Variants in TRO observed in about 807,000 individuals in gnomAD.
TRO encodes trophinin, also known as MAGE superfamily protein.
In TRO, 29 loss-of-function variants were observed where a neutral mutation model predicts 42.3. That is an observed-to-expected ratio of 0.68 (90% CI 0.51 to 0.93). TRO has a LOEUF of 0.93. Ranked by LOEUF, TRO falls within the 40% of genes least tolerant of loss-of-function variation. The pLI is 0.00. For synonymous variants in TRO, 384 were observed against 425.2 expected, an observed-to-expected ratio of 0.90 and a Z score of 1.19; for missense variants, 963 against 1,127.7, an observed-to-expected ratio of 0.85 and a Z score of 2.09.
At position 54,922,963 on chromosome X, in the gene TRO, G is replaced by C; in HGVS notation, c.431G>C (p.Arg144Thr). ...AQPKKANKMK[R>T]VTAKAAQGSQ... Reference sequence around the variant, plus strand: ...CCTAAGAAAGCCAACAAGATGAAGAGAGTTACTGCCAAGGCAGCCCAAGGC... The same window carrying C: ...CCTAAGAAAGCCAACAAGATGAAGACAGTTACTGCCAAGGCAGCCCAAGGC... Residue 144 changes from arginine (R) to threonine (T), a missense_variant, in exon 3 of 13, where the codon AGA becomes ACA. Around this residue, in one of 2 missense-constraint regions of TRO, gnomAD observed 322 missense variants for 316.5 expected, o/e 1.02. Transcript: ENST00000173898. The C allele has an allele frequency of 9.9e-6, 12 of 1,212,087 alleles. No individual in the cohort carries two copies. The highest frequency in any genetic ancestry group is 1.3e-5 in the Non-Finnish European group (12 of 895,639).
At chrX:54,926,541 T>C in intron 8 of TRO, 42 bp from the exon 9 acceptor site, 1 of 1,205,786 alleles carries the variant, frequency 8.3e-7, no homozygotes, top group Non-Finnish European at 1.1e-6. Flanking sequence ...GGATTCCATG[T>C]GTTCAATTTC....
rs1371372516 is a variant in TRO, at chrX:54,927,122, G to T, written c.1763+17G>T. ...GAAGCAGAAGTAAGTGGTGTTTGGG[G>T]CTTTGTCTGGCCCTGAAGTGTTCTG... On this transcript the variant is annotated intron_variant, in intron 10 of 12. Transcript: ENST00000173898. 3 of 1,208,022 alleles carry T rather than the reference G, an allele frequency of 2.5e-6. No homozygotes were observed. In the African/African-American group the frequency reaches 5.3e-5, roughly 21 times the overall value.
intron 7 of TRO, among the ~76,000 whole-genome samples, chrX:54,925,901 C>G (rs1025158187): frequency 2.7e-5 from 3 of 112,135 alleles, no homozygotes; most frequent in African/African-American, 9.7e-5. Context: ...TGGGACATTC[C>G]TGCTGTCAGG....
At position 54,929,297 on chromosome X, in the gene TRO, G is replaced by T; in HGVS notation, c.2573G>T (p.Gly858Val). Residue 858 changes from glycine (G) to valine (V), a missense_variant, in exon 12 of 13, where the codon GGC (glycine) becomes GTC (valine). This residue lies in a region of TRO where 641 missense variants were observed against 811.3 expected (regional missense o/e 0.79). Coordinates refer to ENST00000173898, the MANE Select transcript of TRO (RefSeq NM_001039705.3). ...GGAGGCACACTCAGCACCACGGCTG[G>T]CTTTAGTGGTGTACTCAGCACTAGC... ...GFGGTLSTTA[G>V]FSGVLSTSTS... 8.3e-7 allele frequency: 1 copy of T among 1,211,819 alleles called. No homozygotes were observed. The highest frequency in any genetic ancestry group is 1.1e-6 in the Non-Finnish European group (1 of 895,390).
chrX:54,924,443 T>G lies in TRO; in HGVS notation c.1237-8T>G. 2.5e-6 allele frequency: 3 copies of G among 1,194,056 alleles called. No individual in the cohort carries two copies. Among genetic ancestry groups the G allele is most frequent in the Non-Finnish European group, 3.4e-6 (3 of 886,905 alleles). On this transcript the variant is annotated splice_polypyrimidine_tract_variant and splice_region_variant and intron_variant, in intron 3 of 12. Coordinates refer to ENST00000173898, the MANE Select transcript of TRO (RefSeq NM_001039705.3). Reference sequence around the variant, plus strand: ...GACTCTGGACCTTCCTTCTTTCTGATGATGAAGTCCAAGCATCTGAATGGG... The same window carrying G: ...GACTCTGGACCTTCCTTCTTTCTGAGGATGAAGTCCAAGCATCTGAATGGG...
chrX:54,930,667 A>G lies in TRO; in HGVS notation c.3943A>G (p.Thr1315Ala), dbSNP rs995462449. ...TSAGFSGGLS[T>A]SDGFGSRPNA... ...TGCTGGCTTTAGTGGTGGCCTCAGC[A>G]CCAGCGATGGCTTTGGCAGTAGGCC... is the stretch of plus-strand genomic sequence containing the variant. Residue 1315 changes from threonine (T) to alanine (A), a missense_variant, in exon 12 of 13, where the codon ACC becomes GCC. Transcript: ENST00000173898. The G allele has an allele frequency of 2.5e-6, 3 of 1,210,789 alleles. No homozygotes were observed. In the African/African-American group the frequency reaches 5.2e-5, roughly 21 times the overall value.
intron 9 of TRO, 94 bp from the exon 10 acceptor site, chrX:54,926,949 T>C (rs1932787014): frequency 1.0e-6 from 1 of 1,004,475 alleles, no homozygotes; most frequent in Admixed American, 2.5e-5. Flanking sequence ...GACTGCCCCA[T>C]GTGCTAGAGA....
intron 2 of TRO, 107 bp from the exon 3 acceptor site, chrX:54,922,471 A>AC: frequency 1.1e-6 from 1 of 927,465 alleles, no homozygotes; most frequent in Non-Finnish European, 1.5e-6. Flanking sequence ...CTTGCTCCCT[A>AC]CCCCATTTTA....
At chrX:54,927,232 C>A in intron 10 of TRO, 127 bp downstream of exon 10, 1 of 764,395 alleles carries the variant, frequency 1.3e-6, no homozygotes, top group Non-Finnish European at 1.9e-6. Flanking sequence ...TGTCCTAGAA[C>A]TGATACTGTC....
intron 10 of TRO, 30 bp from the exon 11 acceptor site, chrX:54,927,637 T>C (rs767356134): frequency 8.6e-7 from 1 of 1,158,361 alleles, no homozygotes; most frequent in Admixed American, 2.2e-5. Context: ...GTTGCTTGGT[T>C]AGAAACAAGT....
chrX:54,924,436 T>C lies in TRO; in HGVS notation c.1237-15T>C. 4 of 1,185,253 alleles carry C rather than the reference T, an allele frequency of 3.4e-6. No homozygotes were observed. Among genetic ancestry groups the C allele is most frequent in the Non-Finnish European group, 4.5e-6 (4 of 881,606 alleles). On this transcript the variant is annotated splice_polypyrimidine_tract_variant and intron_variant, in intron 3 of 12. Coordinates refer to ENST00000173898, the MANE Select transcript of TRO (RefSeq NM_001039705.3). ...ACCTGGTGACTCTGGACCTTCCTTC[T>C]TTCTGATGATGAAGTCCAAGCATCT...
rs935196884 is a variant in TRO at position 54,927,732 on chromosome X, G to A, written c.1829G>A (p.Arg610His). Residue 610 changes from arginine (R) to histidine (H), a missense_variant, in exon 11 of 13, where the codon CGC (arginine) becomes CAC (histidine). Physicochemically the swap from Arg to His is conservative, Grantham distance 29 (BLOSUM62 0). Coordinates refer to ENST00000173898, the MANE Select transcript of TRO (RefSeq NM_001039705.3). ...GAATATGAGTTCTTCTGGGGCTTGC[G>A]CTCCTACCACGAGACTAGCAAGATG... Reference protein sequence around the residue: ...PPEYEFFWGLRSYHETSKMKV... With the variant: ...PPEYEFFWGLHSYHETSKMKV... 9 of 1,211,607 alleles carry A rather than the reference G, an allele frequency of 7.4e-6. No individual in the cohort carries two copies. Among genetic ancestry groups the A allele is most frequent in the Non-Finnish European group, 1.0e-5 (9 of 895,413 alleles).
Position 54,922,705 on chromosome X carries a change from T to C in TRO, c.173T>C (p.Met58Thr), listed in dbSNP as rs1325302879. The C allele has an allele frequency of 1.7e-6, 2 of 1,210,849 alleles. No individual in the cohort carries two copies. The highest frequency in any genetic ancestry group is 1.8e-5 in the South Asian group (1 of 56,753). ...LLAATKDSLA[M>T]DPPVVNRPKK... ...GCGGCAACCAAGGACTCCCTGGCCA[T>C]GGACCCACCAGTTGTCAACCGGCCT... Residue 58 changes from methionine to threonine, a missense_variant, in exon 3 of 13, where the codon ATG (methionine) becomes ACG (threonine). This residue lies in a region of TRO where 322 missense variants were observed against 316.5 expected (regional missense o/e 1.02). Transcript: ENST00000173898.
In TRO at chrX:54,923,580, G is replaced by A. The variant is rs767404738; in HGVS notation, c.1048G>A (p.Ala350Thr). The A allele has an allele frequency of 8.3e-7, 1 of 1,199,584 alleles. No individual in the cohort carries two copies. The highest frequency in any genetic ancestry group is 1.1e-6 in the Non-Finnish European group (1 of 889,211). ...GSRARKAATKARATESQTPNA... is the reference protein window; with the variant it reads ...GSRARKAATKTRATESQTPNA... ...TAGGGCTCGGAAGGCTGCCACTAAG[G>A]CTCGGGCAACTGAAAGCCAGACTCC... The change falls in exon 3 of 13, where the codon GCT becomes ACT. Residue 350 changes from alanine (A) to threonine (T), a missense_variant. Transcript: ENST00000173898.
At chrX:54,926,965 C>T in intron 9 of TRO, 78 bp from the exon 10 acceptor site, 2 of 1,117,318 alleles carry the variant, frequency 1.8e-6, no homozygotes, top group South Asian at 1.9e-5. Flanking sequence ...AGAGAGGTCT[C>T]TTCCATGTTG....
In TRO at chrX:54,927,766, C is replaced by T. The variant is rs1479408375; in HGVS notation, c.1863C>T (p.Leu621=). 2 of 1,210,095 alleles carry T rather than the reference C, an allele frequency of 1.7e-6. No homozygotes were observed. The highest frequency in any genetic ancestry group is 3.5e-5 in the South Asian group (2 of 56,743). The part of the protein sequence containing the change: ...SYHETSKMKV[L]KFACRVQKKD... ...ACGAGACTAGCAAGATGAAAGTCCT[C>T]AAGTTTGCATGCAGGGTAAGAGGAG... The change falls in exon 11 of 13, where the codon CTC becomes CTT. Residue 621 remains leucine, a synonymous_variant. Transcript: ENST00000173898.
In TRO at chrX:54,923,710, A is replaced by C. The variant is rs893988531; in HGVS notation, c.1178A>C (p.Tyr393Ser). The C allele has an allele frequency of 8.3e-7, 1 of 1,211,114 alleles. No homozygotes were observed. Among genetic ancestry groups the C allele is most frequent in the Non-Finnish European group, 1.1e-6 (1 of 895,104 alleles). ...AAAVQALADD[Y>S]LAQLSLEPTT... ...GCTGTCCAGGCCCTGGCAGATGACT[A>C]TCTGGCTCAGTTGAGCCTGGAGCCC... Residue 393 changes from tyrosine (Y) to serine (S), a missense_variant, in exon 3 of 13, where the codon TAT becomes TCT. Tyr to Ser is a moderately radical substitution (Grantham distance 144). Coordinates refer to ENST00000173898, the MANE Select transcript of TRO (RefSeq NM_001039705.3).
intron 1 of TRO, among the ~76,000 whole-genome samples, chrX:54,921,652 G>C (rs1179258397): frequency 1.9e-5 from 2 of 103,940 alleles, no homozygotes; most frequent in African/African-American, 7.1e-5. Context: ...GGTGTATTGG[G>C]AAGGGGCGGT....
rs1236447117 is a variant in TRO at position 54,923,521 on chromosome X, C to A, written c.989C>A (p.Ala330Asp). ...GCCACTCAGATAGTCACAAACCAAG[C>A]CCTGGCAGCCACCCTGCGGGTCAAG... is the stretch of plus-strand genomic sequence containing the variant. ...PLATQIVTNQ[A>D]LAATLRVKRG... The change falls in exon 3 of 13, where the codon GCC becomes GAC. Residue 330 changes from alanine (A) to aspartate (D), a missense_variant. This residue lies in a region of TRO where 322 missense variants were observed against 316.5 expected (regional missense o/e 1.02). Transcript: ENST00000173898. The A allele has an allele frequency of 3.4e-6, 4 of 1,185,514 alleles. No homozygotes were observed. Among genetic ancestry groups the A allele is most frequent in the African/African-American group, 1.8e-5 (1 of 56,868 alleles).
Sources: gnomAD v4.1 joint callset for allele counts (sites outside exome capture counted in the v4.1 genomes callset) on GRCh38, gnomAD v4.1.1 for gene constraint, gnomAD v4.1.1 regional missense constraint, MANE v1.5 for transcripts, NCBI Gene and HGNC (gene_info 2026-07-23, HGNC 2026-07-21) for gene names.